ADD2: variants seen among roughly 807,000 people sequenced by gnomAD.
ADD2 encodes the protein adducin 2, also known as beta-adducin.
Under a neutral mutation model 83.0 loss-of-function variants are expected in ADD2, and 23 were observed. That is an observed-to-expected ratio of 0.28 (90% CI 0.20 to 0.39). The LOEUF (loss-of-function observed/expected upper bound fraction) is 0.39, where lower values mean the gene tolerates loss of function less well. ADD2 is among the 10% of genes least tolerant of loss of function. The pLI is 1.00. For missense variants in ADD2, 758 were observed against 944.9 expected (o/e 0.80, Z 2.59); for synonymous variants, 375 against 375.4 (o/e 1.00, Z 0.01).
rs201022450 is a variant in ADD2, at chr2:70,678,780, G to A, written c.1307C>T (p.Thr436Met). ...ATTGACCCGCAGGTAGGTGTTGGGC[G>A]TATTGAGCCAGCGGGTCTTCTCCTT... ...QQKEKTRWLN[T>M]PNTYLRVNVA... The change falls in exon 11 of 16, where the codon ACG becomes ATG. Residue 436 changes from threonine (T) to methionine (M), a missense_variant. Around this residue, in one of 5 missense-constraint regions of ADD2, gnomAD observed 394 missense variants for 509.3 expected, o/e 0.77. Transcript: ENST00000264436. The A allele has an allele frequency of 2.6e-5, 42 of 1,613,440 alleles. No individual in the cohort carries two copies. Among genetic ancestry groups the A allele is most frequent in the African/African-American group, 4.0e-5 (3 of 74,920 alleles).
chr2:70,693,300 C>T (rs1049896276), intron 6 of ADD2, among the ~76,000 whole-genome samples: 7 of 152,296 alleles, frequency 4.6e-5, no homozygotes, highest in South Asian at 2.1e-4. Flanking sequence ...TGCAATCTCC[C>T]GGCAGCTGGA....
chr2:70,759,626 C>T (rs1674980259), intron 1 of ADD2, among the ~76,000 whole-genome samples: 2 of 152,106 alleles, frequency 1.3e-5, no homozygotes, highest in African/African-American at 4.8e-5. Flanking sequence ...AAGAGCCTGG[C>T]ATCTCCTCCC....
intron 1 of ADD2, among the ~76,000 whole-genome samples, chr2:70,734,761 T>C (rs1267337348): frequency 6.6e-6 from 1 of 152,208 alleles, no homozygotes; most frequent in Non-Finnish European, 1.5e-5. Context: ...TGCTTAATTC[T>C]CTGAATTCCC....
chr2:70,726,479 C>A lies in ADD2; in HGVS notation c.-153-13295G>T, dbSNP rs116941881. Among the ~76,000 whole-genome samples the A allele has an allele frequency of 1.9e-4, 29 of 152,314 alleles. No individual in the cohort carries two copies. The East Asian group carries it at 5.4e-3, about 28-fold the overall frequency. On this transcript the variant is annotated intron_variant, in intron 1 of 15. Transcript: ENST00000264436. ...ACTGCTCCAGTTCATCACTCCCTAA[C>A]AGGGTCAACCAAGAAGTAGTCTCAT...
At chr2:70,734,649 G>A (rs1558567976) in intron 1 of ADD2, among the ~76,000 whole-genome samples, 1 of 152,192 alleles carries the variant, frequency 6.6e-6, no homozygotes, top group African/African-American at 2.4e-5. Flanking sequence ...AGGATGACCA[G>A]TATCTTTGGG....
At chr2:70,708,668 C>T (rs1672025220) in intron 2 of ADD2, among the ~76,000 whole-genome samples, 1 of 152,200 alleles carries the variant, frequency 6.6e-6, no homozygotes, top group Non-Finnish European at 1.5e-5. Flanking sequence ...TACACTTGGC[C>T]TGGGACATGT....
chr2:70,704,391 G>T lies in ADD2; in HGVS notation c.252C>A (p.Ile84=), dbSNP rs17006140. 4,197 of 1,613,864 alleles carry T rather than the reference G, an allele frequency of 2.6e-3. 68 individuals are homozygous for T. In the African/African-American group the frequency reaches 0.03, roughly 11 times the overall value. ...QMKKGNNSSN[I]WALRQIADFM... is the part of the protein sequence containing the mutation. ...AGTCCGCGATCTGTCGCAGGGCCCA[G>T]ATGTTGGAGGAGTTGTTCCCCTTCT... The change falls in exon 4 of 16, where the codon ATC becomes ATA. Residue 84 remains isoleucine (I), a synonymous_variant. Coordinates refer to ENST00000264436, the MANE Select transcript of ADD2 (RefSeq NM_001617.4).
At chr2:70,665,111 A>G in intron 15 of ADD2, among the ~76,000 whole-genome samples, 1 of 152,046 alleles carries the variant, frequency 6.6e-6, no homozygotes, top group East Asian at 1.9e-4. Context: ...GGTGATGTGG[A>G]AGGTATAGTC....
intron 10 of ADD2, among the ~76,000 whole-genome samples, chr2:70,679,179 C>G (rs1347693176): frequency 6.6e-6 from 1 of 152,184 alleles, no homozygotes; most frequent in Non-Finnish European, 1.5e-5. Context: ...CCCAACAAGT[C>G]CTCTGATCAG....
intron 1 of ADD2, among the ~76,000 whole-genome samples, chr2:70,722,145 C>T (rs782371723): frequency 3.3e-5 from 5 of 152,186 alleles, no homozygotes; most frequent in Non-Finnish European, 7.3e-5. Flanking sequence ...ATAAAGAACA[C>T]CTTTCTTTGT....
At chr2:70,740,536 A>C (rs1253899767) in intron 1 of ADD2, among the ~76,000 whole-genome samples, 1 of 152,202 alleles carries the variant, frequency 6.6e-6, no homozygotes, top group East Asian at 1.9e-4. Flanking sequence ...GGTTAAAAAC[A>C]AAACACCTCA....
At chr2:70,742,345 A>T (rs1408319706) in intron 1 of ADD2, among the ~76,000 whole-genome samples, 2 of 152,230 alleles carry the variant, frequency 1.3e-5, no homozygotes, top group Non-Finnish European at 2.9e-5. Flanking sequence ...CACTGGGCCC[A>T]GTGACACACC....
At chr2:70,716,615 A>G (rs1672483122) in intron 1 of ADD2, among the ~76,000 whole-genome samples, 1 of 152,168 alleles carries the variant, frequency 6.6e-6, no homozygotes, top group Non-Finnish European at 1.5e-5. Context: ...GCCTGGTGCC[A>G]GTTAGGTGCT....
At chr2:70,675,511 A>C (rs1670088418) in intron 13 of ADD2, 1 of 985,398 alleles carries the variant, frequency 1.0e-6, no homozygotes, top group South Asian at 4.7e-5. Flanking sequence ...GCCCTTACAT[A>C]AGCTTCAGGA....
intron 1 of ADD2, among the ~76,000 whole-genome samples, chr2:70,736,879 G>GA (rs782498744): frequency 1.3e-5 from 2 of 151,264 alleles, no homozygotes; most frequent in Non-Finnish European, 2.9e-5. Flanking sequence ...TTATAAAAAG[G>GA]AAAAAACAAA....
At chr2:70,756,186 T>C (rs1221315383) in intron 1 of ADD2, among the ~76,000 whole-genome samples, 1 of 151,712 alleles carries the variant, frequency 6.6e-6, no homozygotes, top group Non-Finnish European at 1.5e-5. Flanking sequence ...TCCCCCAACA[T>C]ACAGCGGTCC....
chr2:70,707,847 T>A (rs1468849726), intron 2 of ADD2, among the ~76,000 whole-genome samples: 1 of 152,230 alleles, frequency 6.6e-6, no homozygotes, highest in Non-Finnish European at 1.5e-5. Flanking sequence ...CATGAGGAGA[T>A]GGAATGCTCT....
intron 1 of ADD2, among the ~76,000 whole-genome samples, chr2:70,758,744 G>A (rs1553384327): frequency 6.6e-6 from 1 of 152,126 alleles, no homozygotes; most frequent in Non-Finnish European, 1.5e-5. Flanking sequence ...AGGCTGCAGT[G>A]AGCCATGATT....
rs1002247457 is a variant in ADD2 at position 70,676,333 on chromosome 2, T to C, written c.1593+463A>G. 9.7e-7 allele frequency: 1 copy of C among 1,026,880 alleles called. No homozygotes were observed. The highest frequency in any genetic ancestry group is 1.7e-5 in the African/African-American group (1 of 59,160). 63.6% of individuals were successfully genotyped at this position (1,026,880 alleles called of 1,614,324 possible). On this transcript the variant is annotated intron_variant, in intron 13 of 15. Transcript: ENST00000264436. The surrounding 1 kb of genome is among the most constrained non-coding windows in gnomAD (Gnocchi z 4.8). ...CCATCCTGTAGGAGCATGGGTCCTG[T>C]CTATATACCCCTTCTCTATGGGTAC...
Sources: gnomAD v4.1 joint callset for allele counts (sites outside exome capture counted in the v4.1 genomes callset) on GRCh38, gnomAD v4.1.1 for gene constraint, gnomAD v4.1.1 regional missense constraint, Gnocchi (gnomAD v3.1) non-coding constraint, MANE v1.5 for transcripts, NCBI Gene and HGNC (gene_info 2026-07-23, HGNC 2026-07-21) for gene names.